TICAM1: variants seen among roughly 807,000 people sequenced by gnomAD.
TICAM1 encodes the protein TIR domain-containing adapter molecule 1.
For synonymous variants in TICAM1, 439 were observed against 415.4 expected (o/e 1.06, Z -0.69); for missense variants, 895 against 938.2 (o/e 0.95, Z 0.60).
At position 4,817,825 on chromosome 19, in the gene TICAM1, C is replaced by T. The variant is rs762194513; in HGVS notation, c.553G>A (p.Val185Ile). 8 of 1,605,606 alleles carry T rather than the reference C, an allele frequency of 5.0e-6. No homozygotes were observed. The African/African-American group carries it at 9.4e-5, about 19-fold the overall frequency. ...GAGCACCCTTGGCTCCAGTCCGAAA[C>T]ACCGTCAATGGGGCGTGGGAGGCTC... ...TRSLPRPIDG[V>I]SDWSQGCSLR... is the part of the protein sequence containing the mutation. The change falls in exon 2 of 2, where the codon GTT becomes ATT. Residue 185 changes from valine (V) to isoleucine (I), a missense_variant. Transcript: ENST00000248244. The surrounding 1 kb of genome is among the most constrained non-coding windows in gnomAD (Gnocchi z 4.7).
chr19:4,816,998 G>GA lies in TICAM1; in HGVS notation c.1379dup (p.Asp461ArgfsTer99). On this transcript the variant is annotated frameshift_variant, in exon 2 of 2. Coordinates refer to ENST00000248244, the MANE Select transcript of TICAM1 (RefSeq NM_182919.4). LOFTEE classifies it low-confidence loss of function (END_TRUNC). The surrounding 1 kb of genome is among the most constrained non-coding windows in gnomAD (Gnocchi z 4.3). ...CCTGGTGCAGGCTCAGGCGACAGTC[G>GA]AAGTTGGAGGTGAGAAGTAGGATGA... 1.2e-6 allele frequency: 2 copies of GA among 1,614,118 alleles called. No homozygotes were observed. The highest frequency in any genetic ancestry group is 1.7e-6 in the Non-Finnish European group (2 of 1,180,014).
chr19:4,822,910 A>G (rs1412006874), intron 1 of TICAM1, among the ~76,000 whole-genome samples: 2 of 152,190 alleles, frequency 1.3e-5, no homozygotes. Flanking sequence ...CCCCAAAATC[A>G]TATGTTGAAG....
In TICAM1 at chr19:4,816,174, T is replaced by C; in HGVS notation, c.*65A>G. ...GGGCACAGGGCAGACCGGGGTGCTCTATGGGGTCCTGGCCGATGCCTGGGT... is the reference window on the plus strand; with the variant it reads ...GGGCACAGGGCAGACCGGGGTGCTCCATGGGGTCCTGGCCGATGCCTGGGT... On this transcript the variant is annotated 3_prime_UTR_variant, in exon 2 of 2. Transcript: ENST00000248244. This position sits in a 1 kb window ranked among gnomAD's most constrained non-coding sequence, Gnocchi z 4.3. 2.1e-6 allele frequency: 3 copies of C among 1,454,418 alleles called. No homozygotes were observed. Among genetic ancestry groups the C allele is most frequent in the Non-Finnish European group, 2.7e-6 (3 of 1,109,380 alleles). 90.1% of individuals were successfully genotyped at this position (1,454,418 alleles called of 1,614,324 possible).
chr19:4,818,427 G>T lies in TICAM1; in HGVS notation c.-50C>A. On this transcript the variant is annotated 5_prime_UTR_variant, in exon 2 of 2. Transcript: ENST00000248244. This position sits in a 1 kb window ranked among gnomAD's most constrained non-coding sequence, Gnocchi z 4.0. ...GCAGCAGAAGCTGGAGGTGGTGAAGGCATGTTCCACACTGCCCCCCGCCTT... is the reference window on the plus strand; with the variant it reads ...GCAGCAGAAGCTGGAGGTGGTGAAGTCATGTTCCACACTGCCCCCCGCCTT... 1 of 1,530,600 alleles carries T rather than the reference G, an allele frequency of 6.5e-7. No individual in the cohort carries two copies. The highest frequency in any genetic ancestry group is 1.8e-4 in the Middle Eastern group (1 of 5,562). The allele number at this position is 1,530,600 out of a possible 1,614,324, so 94.8% of individuals were successfully genotyped here.
chr19:4,821,030 T>TCAA (rs1555730621), intron 1 of TICAM1, among the ~76,000 whole-genome samples: 1 of 140,498 alleles, frequency 7.1e-6, no homozygotes, highest in Admixed American at 7.2e-5. Context: ...CCGTCTCTAG[T>TCAA]AAAAAAAAAA....
Position 4,825,403 on chromosome 19 carries a change from G to A in TICAM1, c.-140+6211C>T, listed in dbSNP as rs144840402. On this transcript the variant is annotated intron_variant, in intron 1 of 1. Transcript: ENST00000248244. ...ATATAACAAACCTGGATATGTACCC[G>A]TTAATTTTTGTATTTTTGTAGAGAC... is the stretch of plus-strand genomic sequence containing the variant. Among the ~76,000 whole-genome samples the A allele has an allele frequency of 5.6e-3, 851 of 152,138 alleles. 6 individuals carry two copies. The highest frequency in any genetic ancestry group is 0.019 in the African/African-American group (804 of 41,528).
intron 1 of TICAM1, among the ~76,000 whole-genome samples, chr19:4,822,974 T>C (rs1004111717): frequency 6.6e-6 from 1 of 152,198 alleles, no homozygotes; most frequent in Non-Finnish European, 1.5e-5. Flanking sequence ...AGGCCTTTTT[T>C]TGGTTTGTAT....
At position 4,818,037 on chromosome 19, in the gene TICAM1, C is replaced by T. The variant is rs139070404; in HGVS notation, c.341G>A (p.Arg114Gln). The part of the protein sequence containing the change: ...AEEKLCPASL[R>Q]DVAYQEAVRT... ...GACGGCTTCCTGGTAGGCCACGTCC[C>T]GCAGCGAGGCGGGGCACAGCTTCTC... Residue 114 changes from arginine (R) to glutamine (Q), a missense_variant, in exon 2 of 2, where the codon CGG (arginine) becomes CAG (glutamine). Coordinates refer to ENST00000248244, the MANE Select transcript of TICAM1 (RefSeq NM_182919.4). This position sits in a 1 kb window ranked among gnomAD's most constrained non-coding sequence, Gnocchi z 4.0. The T allele has an allele frequency of 5.0e-5, 80 of 1,609,198 alleles. 1 individual carries two copies. The East Asian group carries it at 9.1e-4, about 18-fold the overall frequency.
At chr19:4,819,134 C>T (rs541548030) in intron 1 of TICAM1, among the ~76,000 whole-genome samples, 2 of 151,490 alleles carry the variant, frequency 1.3e-5, no homozygotes, top group South Asian at 2.1e-4. Flanking sequence ...AGTAGCTGGG[C>T]GTGGTGGCAC....
At position 4,817,870 on chromosome 19, in the gene TICAM1, C is replaced by T. The variant is rs1284404080; in HGVS notation, c.508G>A (p.Ala170Thr). The T allele has an allele frequency of 1.9e-6, 3 of 1,613,404 alleles. No homozygotes were observed. The highest frequency in any genetic ancestry group is 2.5e-6 in the Non-Finnish European group (3 of 1,179,884). Residue 170 changes from alanine (A) to threonine (T), a missense_variant, in exon 2 of 2, where the codon GCT (alanine) becomes ACT (threonine). Transcript: ENST00000248244. The surrounding 1 kb of genome is among the most constrained non-coding windows in gnomAD (Gnocchi z 4.7). Reference protein sequence around the residue: ...SNLGCLPPSSALPSGTRSLPR... With the variant: ...SNLGCLPPSSTLPSGTRSLPR... Reference sequence around the variant, plus strand: ...AGGCTCCTGGTCCCAGAGGGCAAAGCCGAGGATGGTGGGAGGCAGCCCAGA... The same window carrying T: ...AGGCTCCTGGTCCCAGAGGGCAAAGTCGAGGATGGTGGGAGGCAGCCCAGA...
chr19:4,824,366 G>A (rs1351065198), intron 1 of TICAM1, among the ~76,000 whole-genome samples: 3 of 131,558 alleles, frequency 2.3e-5, no homozygotes, highest in Non-Finnish European at 3.1e-5. Flanking sequence ...ACAGAGTCTC[G>A]CTCTGTCATC....
intron 1 of TICAM1, among the ~76,000 whole-genome samples, chr19:4,830,392 ATT>A (rs1441543190): frequency 6.6e-6 from 1 of 151,472 alleles, no homozygotes; most frequent in Non-Finnish European, 1.5e-5. Context: ...TTCTTTTTGA[ATT>A]TTTTTGTAGA....
intron 1 of TICAM1, among the ~76,000 whole-genome samples, chr19:4,821,152 C>T (rs74172662): frequency 0.093 from 14,077 of 150,680 alleles, 865 homozygotes; most frequent in Non-Finnish European, 0.14. Context: ...GCCGAGATCA[C>T]GCCACTGCAT....
In TICAM1 at chr19:4,818,173, C is replaced by A; in HGVS notation, c.205G>T (p.Val69Leu). The change falls in exon 2 of 2, where the codon GTG (valine) becomes TTG (leucine). Residue 69 changes from valine (V) to leucine (L), a missense_variant. Val to Leu is a conservative substitution (Grantham distance 32). Transcript: ENST00000248244. This position sits in a 1 kb window ranked among gnomAD's most constrained non-coding sequence, Gnocchi z 4.0. ...CACTGGCGGGCCACCAGCCGGGCCA[C>A]CGCATCGGCCTTCAATGCCTCTAGA... ...ISLEALKADA[V>L]ARLVARQWAG... 1.2e-6 allele frequency: 2 copies of A among 1,610,224 alleles called. No homozygotes were observed. Among genetic ancestry groups the A allele is most frequent in the East Asian group, 4.5e-5 (2 of 44,842 alleles).
Position 4,817,239 on chromosome 19 carries a change from G to A in TICAM1, c.1139C>T (p.Ser380Phe), listed in dbSNP as rs2093587753. Reference sequence around the variant, plus strand: ...TGATTCCAGGGAGGAAGGGAACAGGGAGGAGGGGGTCAGGTGAGCTGAACA... The same window carrying A: ...TGATTCCAGGGAGGAAGGGAACAGGAAGGAGGGGGTCAGGTGAGCTGAACA... Reference protein sequence around the residue: ...TPCSAHLTPSSLFPSSLESSS... With the variant: ...TPCSAHLTPSFLFPSSLESSS... Residue 380 changes from serine (S) to phenylalanine (F), a missense_variant, in exon 2 of 2, where the codon TCC (serine) becomes TTC (phenylalanine). Physicochemically the swap from Ser to Phe is radical, Grantham distance 155 (BLOSUM62 -2). Coordinates refer to ENST00000248244, the MANE Select transcript of TICAM1 (RefSeq NM_182919.4). This position sits in a 1 kb window ranked among gnomAD's most constrained non-coding sequence, Gnocchi z 4.7. 2 of 1,613,732 alleles carry A rather than the reference G, an allele frequency of 1.2e-6. No individual in the cohort carries two copies.
At position 4,817,782 on chromosome 19, in the gene TICAM1, C is replaced by A. The variant is rs1303978682; in HGVS notation, c.596G>T (p.Ser199Ile). Residue 199 changes from serine to isoleucine, a missense_variant, in exon 2 of 2, where the codon AGC (serine) becomes ATC (isoleucine). By Grantham distance (142) the Ser-to-Ile change is moderately radical. Coordinates refer to ENST00000248244, the MANE Select transcript of TICAM1 (RefSeq NM_182919.4). The surrounding 1 kb of genome is among the most constrained non-coding windows in gnomAD (Gnocchi z 4.7). The stretch of plus-strand genomic sequence containing the variant: ...CAAGTTGCTGGCCAGGGAGGCAGGG[C>A]TGCCAGTGGATCGCAGGGAGCACCC... ...SQGCSLRSTG[S>I]PASLASNLEI... 6.2e-7 allele frequency: 1 copy of A among 1,601,814 alleles called. No individual in the cohort carries two copies. Among genetic ancestry groups the A allele is most frequent in the South Asian group, 1.1e-5 (1 of 90,190 alleles).
rs2093592572 is a variant in TICAM1 at position 4,818,893 on chromosome 19, T to C, written c.-139-377A>G. ...TGGAGGCCGAGGCGGGGGGATCACC[T>C]GAGGTCAGGAGTTCGAGACCAGCCT... is the stretch of plus-strand genomic sequence containing the variant. On this transcript the variant is annotated intron_variant, in intron 1 of 1. Coordinates refer to ENST00000248244, the MANE Select transcript of TICAM1 (RefSeq NM_182919.4). This position sits in a 1 kb window ranked among gnomAD's most constrained non-coding sequence, Gnocchi z 4.0. 6.6e-6 allele frequency among the ~76,000 whole-genome samples: 1 copy of C among 152,094 alleles called. No homozygotes were observed. The highest frequency in any genetic ancestry group is 2.4e-5 in the African/African-American group (1 of 41,432).
intron 1 of TICAM1, among the ~76,000 whole-genome samples, chr19:4,828,064 G>A (rs924415812): frequency 2.6e-5 from 4 of 152,108 alleles, no homozygotes; most frequent in African/African-American, 4.8e-5. Context: ...GGGGCTGGGC[G>A]TCATGCTGAA....
intron 1 of TICAM1, among the ~76,000 whole-genome samples, chr19:4,822,368 G>C (rs777077589): frequency 1.3e-5 from 2 of 151,682 alleles, no homozygotes; most frequent in Non-Finnish European, 2.9e-5. Context: ...TCAGCCTCCC[G>C]AGTAGCTGGG....
Sources: gnomAD v4.1 joint callset for allele counts (sites outside exome capture counted in the v4.1 genomes callset) on GRCh38, gnomAD v4.1.1 for gene constraint, Gnocchi (gnomAD v3.1) non-coding constraint, MANE v1.5 for transcripts, NCBI Gene and HGNC (gene_info 2026-07-23, HGNC 2026-07-21) for gene names.